Variants in PCLO observed in about 807,000 individuals in gnomAD.
PCLO encodes the protein protein piccolo.
A neutral mutation model predicts 427.5 loss-of-function variants in PCLO; 82 were observed. The ratio of observed to expected loss-of-function variants is 0.19; its 90% CI spans 0.16 to 0.23. The LOEUF is 0.23. Among genes scored for constraint, PCLO ranks in the 10% least tolerant of loss-of-function variants. PCLO has a pLI of 1.00. For synonymous variants in PCLO, 2,357 were observed against 2,155.4 expected (o/e 1.09, Z -2.59); for missense variants, 6,239 against 6,115.9 (o/e 1.02, Z -0.67).
In PCLO at chr7:82,949,747, G is replaced by A. The variant is rs775010272; in HGVS notation, c.10841C>T (p.Pro3614Leu). 6.2e-6 allele frequency: 10 copies of A among 1,613,816 alleles called. No homozygotes were observed. Among genetic ancestry groups the A allele is most frequent in the Non-Finnish European group, 8.5e-6 (10 of 1,179,854 alleles). Residue 3614 changes from proline (P) to leucine (L), a missense_variant, in exon 6 of 25, where the codon CCT becomes CTT. By Grantham distance (98) the Pro-to-Leu change is moderately conservative (BLOSUM62 -3). This residue lies in a region of PCLO where 4,677 missense variants were observed against 4,468.4 expected (regional missense o/e 1.05). Transcript: ENST00000333891. ...LRADSTVQLA[P>L]SPPKSPKVLY... is the part of the protein sequence containing the mutation. ...GACTTTGGGGGATTTGGGTGGGGAA[G>A]GAGCCAGCTGTACTGTGGAATCTGC...
intron 3 of PCLO, among the ~76,000 whole-genome samples, chr7:83,116,670 AT>A (rs1791142354): frequency 1.3e-5 from 2 of 152,246 alleles, no homozygotes; most frequent in African/African-American, 4.8e-5. Context: ...CTCTTTTAGC[AT>A]TTTTCAAGAA....
intron 3 of PCLO, among the ~76,000 whole-genome samples, chr7:82,986,812 T>C (rs1019238152): frequency 6.6e-6 from 1 of 151,944 alleles, no homozygotes; most frequent in African/African-American, 2.4e-5. Flanking sequence ...TGGGATATTA[T>C]ATCAAATTAT....
At chr7:83,162,303 C>A in intron 1 of PCLO, 42 bp downstream of exon 1, 1 of 1,545,896 alleles carries the variant, frequency 6.5e-7, no homozygotes, top group Non-Finnish European at 8.7e-7. Context: ...GCACGGGAAG[C>A]TGTACATATA....
intron 3 of PCLO, among the ~76,000 whole-genome samples, chr7:82,984,582 T>C (rs1796218648): frequency 1.3e-5 from 2 of 152,096 alleles, no homozygotes; most frequent in African/African-American, 4.8e-5. Context: ...CAAAAGTGCA[T>C]CATTCACCAC....
chr7:83,131,145 T>C (rs919510489), intron 3 of PCLO, among the ~76,000 whole-genome samples: 3 of 152,186 alleles, frequency 2.0e-5, no homozygotes, highest in Non-Finnish European at 4.4e-5. Flanking sequence ...ACTGCCATTT[T>C]TAAAACTCTT....
chr7:83,085,499 T>A (rs2116415003), intron 3 of PCLO, among the ~76,000 whole-genome samples: 1 of 152,298 alleles, frequency 6.6e-6, no homozygotes, highest in Middle Eastern at 3.4e-3. Flanking sequence ...TCTTACCACA[T>A]GCCTCAGAAT....
intron 22 of PCLO, among the ~76,000 whole-genome samples, chr7:82,766,060 A>T (rs553282412): frequency 6.6e-6 from 1 of 152,160 alleles, no homozygotes; most frequent in African/African-American, 2.4e-5. Flanking sequence ...CAGATATCAC[A>T]AAATCTTGTC....
At chr7:83,077,127 T>A (rs1248550386) in intron 3 of PCLO, among the ~76,000 whole-genome samples, 4 of 152,100 alleles carry the variant, frequency 2.6e-5, no homozygotes, top group Non-Finnish European at 5.9e-5. Context: ...ATAGTCTACA[T>A]ATAGGAAGCC....
chr7:82,885,610 T>C (rs543505846), intron 9 of PCLO, among the ~76,000 whole-genome samples: 3 of 152,224 alleles, frequency 2.0e-5, no homozygotes, highest in African/African-American at 4.8e-5. Context: ...ATTATTTTGG[T>C]AGAAAAATGT....
chr7:82,904,606 C>A (rs11762318), intron 8 of PCLO, among the ~76,000 whole-genome samples: 90,740 of 151,644 alleles, frequency 0.6, 28,184 homozygotes, highest in East Asian at 0.81. Flanking sequence ...CATTTGGTCA[C>A]AAATAAACTA....
intron 3 of PCLO, among the ~76,000 whole-genome samples, chr7:83,109,973 A>T (rs1395646572): frequency 6.6e-6 from 1 of 151,764 alleles, no homozygotes; most frequent in East Asian, 1.9e-4. Context: ...TGAAATGTAC[A>T]TTACATTGGG....
intron 3 of PCLO, among the ~76,000 whole-genome samples, chr7:83,066,607 C>A (rs1025563544): frequency 2.0e-5 from 3 of 152,000 alleles, no homozygotes; most frequent in Non-Finnish European, 4.4e-5. Context: ...TTTTTGTATG[C>A]GAGACCTATA....
chr7:82,986,198 A>C (rs1341497839), intron 3 of PCLO, among the ~76,000 whole-genome samples: 2 of 151,936 alleles, frequency 1.3e-5, no homozygotes, highest in Admixed American at 6.6e-5. Context: ...GGAAACATAA[A>C]ACAGATTATA....
intron 3 of PCLO, among the ~76,000 whole-genome samples, chr7:83,062,889 C>T (rs1186686677): frequency 2.6e-5 from 4 of 152,060 alleles, no homozygotes; most frequent in South Asian, 4.1e-4. Context: ...TATATGATTG[C>T]ATTGACTTTC....
chr7:83,028,084 A>T (rs1464548162), intron 3 of PCLO, among the ~76,000 whole-genome samples: 1 of 151,334 alleles, frequency 6.6e-6, no homozygotes, highest in East Asian at 2.0e-4. Flanking sequence ...CCTATTCAAC[A>T]TAGTGTTGGA....
chr7:83,123,131 T>A (rs114740316), intron 3 of PCLO, among the ~76,000 whole-genome samples: 2,901 of 151,810 alleles, frequency 0.019, 85 homozygotes, highest in African/African-American at 0.064. Context: ...AGAAAAAAAA[T>A]TTATATAGAA....
intron 3 of PCLO, among the ~76,000 whole-genome samples, chr7:83,030,579 T>A (rs184647283): frequency 6.6e-6 from 1 of 152,148 alleles, no homozygotes; most frequent in East Asian, 1.9e-4. Context: ...AGGGCTGGAA[T>A]TACAGTGATG....
chr7:83,066,176 G>T (rs1260894753), intron 3 of PCLO, among the ~76,000 whole-genome samples: 2 of 152,120 alleles, frequency 1.3e-5, no homozygotes, highest in African/African-American at 4.8e-5. Flanking sequence ...CAGCTCTACA[G>T]AAGTCAATCA....
intron 3 of PCLO, among the ~76,000 whole-genome samples, chr7:83,131,205 T>C (rs532821284): frequency 1.3e-5 from 2 of 152,326 alleles, no homozygotes; most frequent in African/African-American, 4.8e-5. Context: ...CCTAAAAGAA[T>C]TGTCTCTTGC....
Sources: gnomAD v4.1 joint callset for allele counts (sites outside exome capture counted in the v4.1 genomes callset) on GRCh38, gnomAD v4.1.1 for gene constraint, gnomAD v4.1.1 regional missense constraint, MANE v1.5 for transcripts, NCBI Gene and HGNC (gene_info 2026-07-23, HGNC 2026-07-21) for gene names.